The following KCNMA1 variants were observed in gnomAD, a reference collection of about 807,000 sequenced individuals.
KCNMA1 encodes the protein potassium calcium-activated channel subfamily M alpha 1.
In KCNMA1, 29 loss-of-function variants were observed where a neutral mutation model predicts 140.0. The observed-to-expected ratio is 0.21, with a 90% confidence interval of 0.15 to 0.28. The LOEUF is 0.28. Ranked by LOEUF, KCNMA1 falls within the 10% of genes least tolerant of loss-of-function variation. The probability of loss-of-function intolerance (pLI) is 1.00; values close to 1 mark genes in which losing one functional copy is unlikely to be tolerated. For missense variants in KCNMA1, 880 were observed against 1,602.2 expected (o/e 0.55, Z 7.70); for synonymous variants, 612 against 611.9 (o/e 1.00, Z 0.00).
intron 2 of KCNMA1, among the ~76,000 whole-genome samples, chr10:77,310,761 T>C (rs1445549755): frequency 4.6e-5 from 7 of 152,118 alleles, no homozygotes; most frequent in Admixed American, 3.9e-4. Flanking sequence ...GCGATTTTTA[T>C]AAGTAAGAGG....
At chr10:77,401,136 A>G (rs1238307782) in intron 2 of KCNMA1, among the ~76,000 whole-genome samples, 1 of 148,188 alleles carries the variant, frequency 6.7e-6, no homozygotes, top group Middle Eastern at 3.2e-3. Context: ...TCCTTGTTCT[A>G]CAAACTTCAA....
At chr10:77,332,238 A>G (rs1191027604) in intron 2 of KCNMA1, among the ~76,000 whole-genome samples, 1 of 152,152 alleles carries the variant, frequency 6.6e-6, no homozygotes, top group Non-Finnish European at 1.5e-5. Flanking sequence ...CCAGGGGATG[A>G]GAGGGAAAAA....
intron 3 of KCNMA1, among the ~76,000 whole-genome samples, chr10:77,209,488 T>G (rs546917616): frequency 3.9e-5 from 6 of 152,206 alleles, no homozygotes; most frequent in African/African-American, 1.4e-4. Context: ...TAGGTTCAGA[T>G]AACAAACTCA....
chr10:77,112,344 G>T, intron 7 of KCNMA1, 23 bp downstream of exon 7: 1 of 1,576,656 alleles, frequency 6.3e-7, no homozygotes. Flanking sequence ...AGCGAGAGCA[G>T]AAGGGTCTTC....
At chr10:77,456,130 A>G (rs2097759403) in intron 1 of KCNMA1, among the ~76,000 whole-genome samples, 1 of 152,214 alleles carries the variant, frequency 6.6e-6, no homozygotes. Context: ...GGAAGCAAGA[A>G]GAGTCTGCAG....
chr10:77,183,579 G>A (rs1234508677), intron 4 of KCNMA1, 47 bp from the exon 5 acceptor site: 4 of 1,304,434 alleles, frequency 3.1e-6, no homozygotes, highest in Non-Finnish European at 4.4e-6. Flanking sequence ...GAGAAGCATG[G>A]TGCTGGCATC....
At chr10:77,031,164 A>T (rs996787226) in intron 15 of KCNMA1, among the ~76,000 whole-genome samples, 7 of 152,356 alleles carry the variant, frequency 4.6e-5, no homozygotes, top group African/African-American at 1.7e-4. Flanking sequence ...AAGAGAGGAA[A>T]TGAAGTGGCA....
At position 77,050,979 on chromosome 10, in the gene KCNMA1, G is replaced by T. The variant is rs1033489305; in HGVS notation, c.1750-11342C>A. 2.6e-5 allele frequency among the ~76,000 whole-genome samples: 4 copies of T among 152,178 alleles called. 1 individual carries two copies. The highest frequency in any genetic ancestry group is 5.9e-5 in the Non-Finnish European group (4 of 68,034). On this transcript the variant is annotated intron_variant, in intron 14 of 27. Transcript: ENST00000286628. Reference sequence around the variant, plus strand: ...TCAGGGGTCCAGATTTATCTACTTAGTCTCTCTCCATTGATTCAGTGACCC... The same window carrying T: ...TCAGGGGTCCAGATTTATCTACTTATTCTCTCTCCATTGATTCAGTGACCC...
At chr10:77,357,369 T>A (rs2093585705) in intron 2 of KCNMA1, among the ~76,000 whole-genome samples, 1 of 152,212 alleles carries the variant, frequency 6.6e-6, no homozygotes, top group South Asian at 2.1e-4. Flanking sequence ...TCTGGTAGCA[T>A]CCTCTGGTAG....
chr10:77,637,059 C>A, intron 1 of KCNMA1: 1 of 1,375,408 alleles, frequency 7.3e-7, no homozygotes, highest in Non-Finnish European at 9.5e-7. Flanking sequence ...AGCGCACTGG[C>A]TGGGGGCAAC....
intron 14 of KCNMA1, among the ~76,000 whole-genome samples, chr10:77,056,064 C>T (rs552932089): frequency 5.6e-4 from 86 of 152,238 alleles, no homozygotes; most frequent in African/African-American, 1.9e-3. Flanking sequence ...CATAGAAGCC[C>T]CATAAGAACC....
rs56359933 is a variant in KCNMA1 at position 77,000,857 on chromosome 10, AATATATATATATATATATATATATATAT to A, written c.2266+522_2266+549del. Among the ~76,000 whole-genome samples, 69 of 36,660 alleles carry A rather than the reference AATATATATATATATATATATATATATAT, an allele frequency of 1.9e-3. 7 individuals carry two copies. The highest frequency in any genetic ancestry group is 4.1e-3 in the East Asian group (4 of 974). The allele number at this position is 36,660 out of a possible 152,430, so 24.1% of individuals were successfully genotyped here. The stretch of plus-strand genomic sequence containing the variant: ...GGTTAGAGAGACATAGTAAAAAGAA[AATATATATATATATATATATATATATAT>A]ATATATATATATATATCCATCTGCA... On this transcript the variant is annotated intron_variant, in intron 19 of 27. Coordinates refer to ENST00000286628, the MANE Select transcript of KCNMA1 (RefSeq NM_001161352.2).
chr10:77,608,182 T>A (rs1374663778), intron 1 of KCNMA1, among the ~76,000 whole-genome samples: 3 of 151,884 alleles, frequency 2.0e-5, no homozygotes, highest in Non-Finnish European at 1.5e-5. Context: ...ATCTCATTTC[T>A]TTTTTTTGGA....
chr10:76,907,615 A>T (rs948286429), intron 25 of KCNMA1, among the ~76,000 whole-genome samples: 2 of 152,016 alleles, frequency 1.3e-5, no homozygotes, highest in Non-Finnish European at 2.9e-5. Flanking sequence ...ATCATCTCAC[A>T]GCAACCTCCA....
intron 3 of KCNMA1, among the ~76,000 whole-genome samples, chr10:77,185,721 GT>G (rs1209579830): frequency 1.3e-5 from 2 of 151,904 alleles, no homozygotes; most frequent in Non-Finnish European, 2.9e-5. Context: ...ATACAAACTG[GT>G]ACAAGACTTC....
chr10:77,572,934 C>T (rs183528980), intron 1 of KCNMA1, among the ~76,000 whole-genome samples: 20 of 152,054 alleles, frequency 1.3e-4, no homozygotes, highest in Admixed American at 1.2e-3. Flanking sequence ...CACACACTAA[C>T]ATTTCTTCAA....
intron 25 of KCNMA1, chr10:76,904,298 G>A (rs1279160020): frequency 1.3e-5 from 2 of 152,138 alleles, no homozygotes; most frequent in African/African-American, 4.8e-5. Flanking sequence ...GAATGCACTG[G>A]ACATGCAAAC....
intron 6 of KCNMA1, among the ~76,000 whole-genome samples, chr10:77,117,260 G>A (rs568730499): frequency 1.3e-5 from 2 of 151,984 alleles, no homozygotes; most frequent in South Asian, 4.1e-4. Context: ...CAAAATTAGA[G>A]GAAACAGGCT....
At chr10:77,532,563 C>T (rs2057922628) in intron 1 of KCNMA1, among the ~76,000 whole-genome samples, 1 of 152,174 alleles carries the variant, frequency 6.6e-6, no homozygotes, top group Non-Finnish European at 1.5e-5. Context: ...ATCCAAGAAC[C>T]AGCCAATGGC....
Sources: allele counts gnomAD v4.1 joint callset (sites outside exome capture counted in the v4.1 genomes callset), GRCh38; gene constraint gnomAD v4.1.1; transcripts MANE v1.5; gene names NCBI Gene and HGNC (gene_info 2026-07-23, HGNC 2026-07-21).